QKI: variants seen among roughly 807,000 people sequenced by gnomAD.
QKI encodes QKI, KH domain containing RNA binding, also known as KH domain-containing RNA-binding protein QKI.
QKI carries 10 observed loss-of-function variants against 39.0 expected under a neutral mutation model. The ratio of observed to expected loss-of-function variants is 0.26; its 90% CI spans 0.16 to 0.43. QKI has a LOEUF of 0.43. Among genes scored for constraint, QKI ranks in the 20% least tolerant of loss-of-function variants. The pLI, the probability that QKI is intolerant of heterozygous loss-of-function variation, is 1.00. For synonymous variants in QKI, 204 were observed against 155.4 expected, an observed-to-expected ratio of 1.31 and a Z score of -2.33; for missense variants, 218 against 428.0, an observed-to-expected ratio of 0.51 and a Z score of 4.33.
intron 3 of QKI, among the ~76,000 whole-genome samples, chr6:163,488,402 G>T (rs1256333706): frequency 6.6e-6 from 1 of 152,114 alleles, no homozygotes; most frequent in East Asian, 1.9e-4. Context: ...TCTCATTATT[G>T]TAGGCTTTTC....
intron 1 of QKI, among the ~76,000 whole-genome samples, chr6:163,436,810 AAAAG>A (rs1467049653): frequency 8.6e-5 from 13 of 151,578 alleles, no homozygotes; most frequent in African/African-American, 2.9e-4. Flanking sequence ...AAAAAAAAAA[AAAAG>A]GGAAGAAGAA....
chr6:163,517,432 T>G (rs1779900594), intron 3 of QKI, among the ~76,000 whole-genome samples: 1 of 152,188 alleles, frequency 6.6e-6, no homozygotes, highest in African/African-American at 2.4e-5. Flanking sequence ...GGTTTTGGTT[T>G]TTGACACAGT....
chr6:163,547,048 T>C (rs1781927450), intron 4 of QKI, among the ~76,000 whole-genome samples: 1 of 152,294 alleles, frequency 6.6e-6, no homozygotes, highest in African/African-American at 2.4e-5. Context: ...AGTAACCTTC[T>C]TTGTAGAATA....
chr6:163,415,009 C>A lies in QKI; in HGVS notation c.-185C>A. The A allele has an allele frequency of 4.3e-6, 2 of 465,068 alleles. No individual in the cohort carries two copies. Among genetic ancestry groups the A allele is most frequent in the Non-Finnish European group, 5.6e-6 (2 of 358,016 alleles). The allele number at this position is 465,068 out of a possible 1,614,324, so 28.8% of individuals were successfully genotyped here. A position where few individuals can be genotyped will look rare whatever the true frequency, so the allele number is the denominator to read the frequency against. On this transcript the variant is annotated 5_prime_UTR_variant, in exon 1 of 8. Coordinates refer to ENST00000361752, the MANE Select transcript of QKI (RefSeq NM_006775.3). ...GTCGGGCCCGGGCGGAAAGTGCCTG[C>A]GGGGGGCGGGCGAGCGCGCGGTGCC...
intron 2 of QKI, among the ~76,000 whole-genome samples, chr6:163,476,456 TC>T (rs1792613031): frequency 1.3e-5 from 2 of 152,300 alleles, no homozygotes; most frequent in Admixed American, 1.3e-4. Flanking sequence ...GAGCTTGTGT[TC>T]ATGAACAGAG....
chr6:163,506,887 C>T (rs1281810646), intron 3 of QKI, among the ~76,000 whole-genome samples: 1 of 152,128 alleles, frequency 6.6e-6, no homozygotes, highest in East Asian at 1.9e-4. Context: ...CCACTTCATT[C>T]CTCCCATCCC....
At chr6:163,421,191 TCTTAAAAACAA>T (rs1381138814) in intron 1 of QKI, among the ~76,000 whole-genome samples, 1 of 152,252 alleles carries the variant, frequency 6.6e-6, no homozygotes, top group African/African-American at 2.4e-5. Flanking sequence ...TTATATGTTT[TCTTAAAAACAA>T]CTTAAAAACA....
At chr6:163,482,080 T>C (rs1793113594) in intron 3 of QKI, among the ~76,000 whole-genome samples, 1 of 151,752 alleles carries the variant, frequency 6.6e-6, no homozygotes, top group Non-Finnish European at 1.5e-5. Context: ...AGCTGCTAGG[T>C]AGGCTGAGGA....
chr6:163,449,184 C>T (rs1562444683), intron 1 of QKI, among the ~76,000 whole-genome samples: 1 of 152,066 alleles, frequency 6.6e-6, no homozygotes, highest in Non-Finnish European at 1.5e-5. Flanking sequence ...ATACTGGAGC[C>T]TATTTAAGCT....
At chr6:163,433,116 T>C (rs1415313415) in intron 1 of QKI, among the ~76,000 whole-genome samples, 1 of 152,238 alleles carries the variant, frequency 6.6e-6, no homozygotes, top group Admixed American at 6.5e-5. Context: ...TTTTACATTT[T>C]ACTTTATCAA....
intron 3 of QKI, among the ~76,000 whole-genome samples, chr6:163,489,148 C>T (rs1392325261): frequency 6.7e-6 from 1 of 149,244 alleles, no homozygotes; most frequent in Non-Finnish European, 1.5e-5. Context: ...TAAAGAATAG[C>T]CTTTATTCGT....
chr6:163,459,450 C>T (rs1450616995), intron 2 of QKI, among the ~76,000 whole-genome samples: 1 of 152,060 alleles, frequency 6.6e-6, no homozygotes, highest in South Asian at 2.1e-4. Flanking sequence ...GCACCTCCAG[C>T]CCCCCAACAA....
At chr6:163,546,830 C>T (rs1781908507) in intron 4 of QKI, among the ~76,000 whole-genome samples, 1 of 151,996 alleles carries the variant, frequency 6.6e-6, no homozygotes, top group African/African-American at 2.4e-5. Flanking sequence ...CCTGCTTATT[C>T]ATCACAAGGC....
intron 1 of QKI, among the ~76,000 whole-genome samples, chr6:163,447,740 A>G (rs1398522346): frequency 6.6e-6 from 1 of 152,184 alleles, no homozygotes; most frequent in Non-Finnish European, 1.5e-5. Context: ...AAAAATAACT[A>G]GATCGCTTTA....
At chr6:163,553,693 A>T (rs1411830553) in intron 4 of QKI, among the ~76,000 whole-genome samples, 1 of 152,206 alleles carries the variant, frequency 6.6e-6, no homozygotes, top group Non-Finnish European at 1.5e-5. Flanking sequence ...GCATTAGAAG[A>T]AGTAAGTACT....
intron 7 of QKI, chr6:163,567,776 T>C: frequency 1.0e-6 from 1 of 985,178 alleles, no homozygotes; most frequent in African/African-American, 1.7e-5. Context: ...TTCCTACAAA[T>C]TAAATTGATC....
At chr6:163,447,229 A>G (rs1156624500) in intron 1 of QKI, among the ~76,000 whole-genome samples, 3 of 143,436 alleles carry the variant, frequency 2.1e-5, no homozygotes. Context: ...GATATTTTAC[A>G]TATTTATGAG....
chr6:163,488,873 A>G (rs904721781), intron 3 of QKI, among the ~76,000 whole-genome samples: 1 of 152,110 alleles, frequency 6.6e-6, no homozygotes, highest in African/African-American at 2.4e-5. Flanking sequence ...GAGAATTTTT[A>G]TAAAGTATGG....
intron 2 of QKI, among the ~76,000 whole-genome samples, chr6:163,464,417 C>CATT (rs373253522): frequency 1.1e-4 from 17 of 151,614 alleles, no homozygotes; most frequent in African/African-American, 4.1e-4. Flanking sequence ...TTCAACAAAA[C>CATT]AGAGTTGGTT....
Sources: allele counts gnomAD v4.1 joint callset (sites outside exome capture counted in the v4.1 genomes callset), GRCh38; gene constraint gnomAD v4.1.1; transcripts MANE v1.5; gene names NCBI Gene and HGNC (gene_info 2026-07-23, HGNC 2026-07-21).